DLG1: variants seen among roughly 807,000 people sequenced by gnomAD.
The protein encoded by DLG1 is disks large homolog 1.
DLG1 carries 42 observed loss-of-function variants against 123.4 expected under a neutral mutation model. The observed-to-expected ratio is 0.34, with a 90% confidence interval of 0.27 to 0.44. The LOEUF (loss-of-function observed/expected upper bound fraction) is 0.44, where lower values mean the gene tolerates loss of function less well. Ranked by LOEUF, DLG1 falls within the 20% of genes least tolerant of loss-of-function variation. The pLI is 1.00. For synonymous variants in DLG1, 317 were observed against 356.2 expected, an observed-to-expected ratio of 0.89 and a Z score of 1.24; for missense variants, 942 against 1,082.6, an observed-to-expected ratio of 0.87 and a Z score of 1.82.
chr3:197,158,659 C>G (rs2879969), intron 5 of DLG1, among the ~76,000 whole-genome samples: 46,683 of 114,992 alleles, frequency 0.41, 10,567 homozygotes, highest in East Asian at 0.72. Flanking sequence ...AAAAAAAAAG[C>G]CCAGAGGCAG....
At chr3:197,198,113 T>C (rs918558129) in intron 4 of DLG1, among the ~76,000 whole-genome samples, 29 of 148,634 alleles carry the variant, frequency 2.0e-4, no homozygotes, top group African/African-American at 6.7e-4. Context: ...AAAACATAAA[T>C]TGGACTCATC....
intron 5 of DLG1, among the ~76,000 whole-genome samples, chr3:197,194,060 G>A (rs1721106094): frequency 1.3e-5 from 2 of 152,044 alleles, no homozygotes; most frequent in Admixed American, 1.3e-4. Context: ...GACCTCAAGT[G>A]ATCCACCCAC....
In DLG1 at chr3:197,085,677, G is replaced by A. The variant is rs1172247300; in HGVS notation, c.1741C>T (p.His581Tyr). ...TCATCATCAGAAGCATTAATAACAT[G>A]GAGGATATCTCCAAATTTGAAGTTC... ...GLNFKFGDIL[H>Y]VINASDDEWW... is the part of the protein sequence containing the mutation. Residue 581 changes from histidine (H) to tyrosine (Y), a missense_variant, in exon 16 of 25, where the codon CAT becomes TAT. His to Tyr is a moderately conservative substitution (Grantham distance 83). Coordinates refer to ENST00000667157, the MANE Select transcript of DLG1 (RefSeq NM_001366207.1). 1.9e-6 allele frequency: 3 copies of A among 1,613,798 alleles called. No individual in the cohort carries two copies. Among genetic ancestry groups the A allele is most frequent in the Non-Finnish European group, 2.5e-6 (3 of 1,179,968 alleles).
At chr3:197,249,585 C>T (rs551901039) in intron 4 of DLG1, among the ~76,000 whole-genome samples, 19 of 152,138 alleles carry the variant, frequency 1.2e-4, no homozygotes, top group South Asian at 1.0e-3. Context: ...CACTGTGATT[C>T]CAAAACCAGA....
At chr3:197,152,130 C>A (rs899474842) in intron 5 of DLG1, among the ~76,000 whole-genome samples, 1 of 152,064 alleles carries the variant, frequency 6.6e-6, no homozygotes, top group African/African-American at 2.4e-5. Context: ...TCACACAGTC[C>A]CCCTGGGTAA....
intron 4 of DLG1, among the ~76,000 whole-genome samples, chr3:197,279,308 T>C (rs1768038926): frequency 6.6e-6 from 1 of 152,202 alleles, no homozygotes; most frequent in South Asian, 2.1e-4. Context: ...ACTATTTACA[T>C]TTTCAGACAA....
intron 6 of DLG1, among the ~76,000 whole-genome samples, chr3:197,147,315 T>C (rs770222713): frequency 3.3e-5 from 5 of 152,070 alleles, no homozygotes; most frequent in African/African-American, 7.2e-5. Context: ...AAATAAGTCA[T>C]TATATGAAAA....
At chr3:197,071,551 C>T (rs1355381506) in intron 18 of DLG1, among the ~76,000 whole-genome samples, 5 of 151,888 alleles carry the variant, frequency 3.3e-5, no homozygotes, top group South Asian at 2.1e-4. Context: ...AAAGTATGGT[C>T]CTTAGAATAG....
In DLG1 at chr3:197,110,716, G is replaced by A. The variant is rs1769455622; in HGVS notation, c.1443+5211C>T. On this transcript the variant is annotated intron_variant, in intron 13 of 24. Coordinates refer to ENST00000667157, the MANE Select transcript of DLG1 (RefSeq NM_001366207.1). ...TTATAAAGTCCGTATTCTTTGTTGT[G>A]TGTGGCCACTGAGGTCTCTGTCTGG... 1.3e-5 allele frequency among the ~76,000 whole-genome samples: 2 copies of A among 152,278 alleles called. 1 individual carries two copies. Among genetic ancestry groups the A allele is most frequent in the Middle Eastern group, 6.8e-3 (2 of 294 alleles).
intron 4 of DLG1, among the ~76,000 whole-genome samples, chr3:197,255,448 G>C (rs1756397807): frequency 6.6e-6 from 1 of 152,160 alleles, no homozygotes; most frequent in Admixed American, 6.5e-5. Context: ...CCTGCCTCCT[G>C]CTTTGTCCTA....
At chr3:197,167,383 T>C (rs1051837426) in intron 5 of DLG1, among the ~76,000 whole-genome samples, 18 of 152,148 alleles carry the variant, frequency 1.2e-4, no homozygotes, top group Admixed American at 1.1e-3. Context: ...CATACAAAAG[T>C]GTCTCCTTTC....
At chr3:197,142,810 A>T in intron 6 of DLG1, 42 bp from the exon 7 acceptor site, 1 of 1,569,834 alleles carries the variant, frequency 6.4e-7, no homozygotes, top group Middle Eastern at 1.7e-4. Context: ...TTCAGAGTGT[A>T]AAATCCAAAA....
chr3:197,091,251 T>C (rs925093393), intron 14 of DLG1, among the ~76,000 whole-genome samples: 12 of 152,208 alleles, frequency 7.9e-5, no homozygotes, highest in African/African-American at 2.6e-4. Flanking sequence ...TTTTTCTACA[T>C]GCTCTTTTAA....
intron 4 of DLG1, among the ~76,000 whole-genome samples, chr3:197,273,188 A>ATGTGTATGTGTG (rs1553803300): frequency 6.8e-6 from 1 of 147,870 alleles, no homozygotes; most frequent in African/African-American, 2.5e-5. Flanking sequence ...CACTGAATAT[A>ATGTGTATGTGTG]TGTGTGTGTG....
intron 10 of DLG1, among the ~76,000 whole-genome samples, chr3:197,132,277 T>A (rs1783043220): frequency 7.2e-6 from 1 of 139,500 alleles, no homozygotes; most frequent in Non-Finnish European, 1.5e-5. Flanking sequence ...TTTGGATTGT[T>A]CTTCTCTTTG....
At chr3:197,213,441 T>C (rs1274267757) in intron 4 of DLG1, among the ~76,000 whole-genome samples, 2 of 152,166 alleles carry the variant, frequency 1.3e-5, no homozygotes, top group African/African-American at 4.8e-5. Flanking sequence ...GCACAATCTT[T>C]TTGGAGTGAG....
intron 5 of DLG1, among the ~76,000 whole-genome samples, chr3:197,152,655 T>C (rs1239615949): frequency 1.4e-5 from 2 of 146,902 alleles, no homozygotes; most frequent in East Asian, 4.0e-4. Flanking sequence ...CCCAGCTACT[T>C]GGGAGGCTGA....
chr3:197,280,230 T>C (rs1768562524), intron 4 of DLG1, among the ~76,000 whole-genome samples: 1 of 152,200 alleles, frequency 6.6e-6, no homozygotes, highest in Admixed American at 6.5e-5. Flanking sequence ...ACATGTGATA[T>C]TTATCTTTCT....
chr3:197,069,263 G>A lies in DLG1; in HGVS notation c.2006-3C>T. On this transcript the variant is annotated splice_region_variant and splice_polypyrimidine_tract_variant and intron_variant, in intron 18 of 24. Coordinates refer to ENST00000667157, the MANE Select transcript of DLG1 (RefSeq NM_001366207.1). ...GCTGGCATTAGAAGTTACATGCTCTGAAATTGCAGGACAATGAAAAAAAAT... is the reference window on the plus strand; with the variant it reads ...GCTGGCATTAGAAGTTACATGCTCTAAAATTGCAGGACAATGAAAAAAAAT... The A allele has an allele frequency of 6.3e-7, 1 of 1,580,960 alleles. No individual in the cohort carries two copies. The highest frequency in any genetic ancestry group is 8.6e-7 in the Non-Finnish European group (1 of 1,162,216).
Sources: gnomAD v4.1 joint callset for allele counts (sites outside exome capture counted in the v4.1 genomes callset) on GRCh38, gnomAD v4.1.1 for gene constraint, MANE v1.5 for transcripts, NCBI Gene and HGNC (gene_info 2026-07-23, HGNC 2026-07-21) for gene names.